SNRPA1: variants seen among roughly 807,000 people sequenced by gnomAD.
SNRPA1 encodes small nuclear ribonucleoprotein polypeptide A'.
Under a neutral mutation model 32.3 loss-of-function variants are expected in SNRPA1, and 5 were observed. The ratio of observed to expected loss-of-function variants is 0.15; its 90% CI spans 0.08 to 0.33. The LOEUF is 0.33. Among genes scored for constraint, SNRPA1 ranks in the 10% least tolerant of loss-of-function variants. The probability of loss-of-function intolerance (pLI) is 1.00; values close to 1 mark genes in which losing one functional copy is unlikely to be tolerated. For missense variants in SNRPA1, 198 were observed against 311.1 expected (o/e 0.64, Z 2.74); for synonymous variants, 111 against 120.1 (o/e 0.92, Z 0.50).
In SNRPA1 at chr15:101,295,208, G is replaced by T; in HGVS notation, c.-30C>A. On this transcript the variant is annotated 5_prime_UTR_variant, in exon 1 of 9. Transcript: ENST00000254193. ...CAGCCTCCCGTTCCCCCGCGCTGTG[G>T]AAAGCCCGTGGCCTCCCGCCAGCGA... 6.6e-7 allele frequency: 1 copy of T among 1,506,798 alleles called. No homozygotes were observed. Among genetic ancestry groups the T allele is most frequent in the African/African-American group, 1.4e-5 (1 of 68,986 alleles). The allele number at this position is 1,506,798 out of a possible 1,614,324, so 93.3% of individuals were successfully genotyped here. A position where few individuals can be genotyped will look rare whatever the true frequency, so the allele number is the denominator to read the frequency against.
At chr15:101,287,790 C>CT (rs2039472733) in intron 3 of SNRPA1, 88 bp from the exon 4 acceptor site, 5 of 1,180,186 alleles carry the variant, frequency 4.2e-6, no homozygotes, top group Non-Finnish European at 6.2e-6. Flanking sequence ...AGCAAGTTGT[C>CT]TTTTCATTAT....
In SNRPA1 at chr15:101,290,573, G is replaced by A. The variant is rs944280687; in HGVS notation, c.309+1389C>T. ...GTTAAGTCACAAAATTAAGTTATACGATTTTTTTTTTTTTTTGAGATGAGG... is the reference window on the plus strand; with the variant it reads ...GTTAAGTCACAAAATTAAGTTATACAATTTTTTTTTTTTTTTGAGATGAGG... On this transcript the variant is annotated intron_variant, in intron 3 of 8. Coordinates refer to ENST00000254193, the MANE Select transcript of SNRPA1 (RefSeq NM_003090.4). 7.8e-5 allele frequency among the ~76,000 whole-genome samples: 11 copies of A among 141,686 alleles called. No individual in the cohort carries two copies. The South Asian group carries it at 8.4e-4, about 11-fold the overall frequency. 93.0% of individuals were successfully genotyped at this position (141,686 alleles called of 152,430 possible).
At chr15:101,288,835 A>AT (rs2039486634) in intron 3 of SNRPA1, among the ~76,000 whole-genome samples, 1 of 152,222 alleles carries the variant, frequency 6.6e-6, no homozygotes, top group Non-Finnish European at 1.5e-5. Context: ...GCATGTTCCA[A>AT]TAATGACTAC....
At chr15:101,282,303 GT>G (rs2039404441) in intron 8 of SNRPA1, among the ~76,000 whole-genome samples, 1 of 152,184 alleles carries the variant, frequency 6.6e-6, no homozygotes, top group African/African-American at 2.4e-5. Context: ...TCCTTCAATT[GT>G]TTGGGAAACA....
At chr15:101,286,652 G>A (rs2039458124) in intron 5 of SNRPA1, 2 of 485,956 alleles carry the variant, frequency 4.1e-6, no homozygotes, top group Non-Finnish European at 7.3e-6. Flanking sequence ...ACAATCCACT[G>A]TTAAGACTGC....
intron 3 of SNRPA1, among the ~76,000 whole-genome samples, chr15:101,291,521 T>G (rs1596472538): frequency 1.6e-5 from 1 of 61,842 alleles, no homozygotes. Context: ...ATAGTTTACT[T>G]TTTTTTTTTT....
At chr15:101,285,341 G>A (rs958155243) in intron 7 of SNRPA1, among the ~76,000 whole-genome samples, 14 of 152,190 alleles carry the variant, frequency 9.2e-5, no homozygotes, top group East Asian at 1.9e-4. Context: ...TTGCAATTAT[G>A]TTACTGAATA....
chr15:101,292,084 G>A (rs1443291681), intron 2 of SNRPA1, 44 bp from the exon 3 acceptor site: 2 of 1,344,086 alleles, frequency 1.5e-6, no homozygotes, highest in African/African-American at 1.4e-5. Flanking sequence ...AATTAAATAA[G>A]CTAACAATTT....
In SNRPA1 at chr15:101,292,931, T is replaced by A. The variant is rs2039543646; in HGVS notation, c.230+94A>T. On this transcript the variant is annotated intron_variant, in intron 2 of 8. Transcript: ENST00000254193. ...AAAAAGAAAAAGAAAAAGAAACATGTAGGTTTAACCAGTAGCACGTGCTAC... is the reference window on the plus strand; with the variant it reads ...AAAAAGAAAAAGAAAAAGAAACATGAAGGTTTAACCAGTAGCACGTGCTAC... 4 of 679,888 alleles carry A rather than the reference T, an allele frequency of 5.9e-6. No homozygotes were observed. In the South Asian group the frequency reaches 1.8e-4, roughly 31 times the overall value. The allele number at this position is 679,888 out of a possible 1,614,324, so 42.1% of individuals were successfully genotyped here. A position where few individuals can be genotyped will look rare whatever the true frequency, so the allele number is the denominator to read the frequency against.
In SNRPA1 at chr15:101,285,817, A is replaced by C; in HGVS notation, c.540-16T>G. 6.2e-7 allele frequency: 1 copy of C among 1,605,846 alleles called. No homozygotes were observed. Among genetic ancestry groups the C allele is most frequent in the Non-Finnish European group, 8.5e-7 (1 of 1,173,264 alleles). ...TGGATTAAAACTTAAGAGGGGGAAG[A>C]ACATAACTGTTAGACCTAGACCAAC... On this transcript the variant is annotated splice_polypyrimidine_tract_variant and intron_variant, in intron 6 of 8. Coordinates refer to ENST00000254193, the MANE Select transcript of SNRPA1 (RefSeq NM_003090.4).
intron 1 of SNRPA1, 78 bp from the exon 2 acceptor site, chr15:101,293,250 A>C: frequency 1.0e-6 from 1 of 974,750 alleles, no homozygotes; most frequent in Non-Finnish European, 1.5e-6. Context: ...GCTGTATTTC[A>C]TAGTATCTGA....
intron 3 of SNRPA1, among the ~76,000 whole-genome samples, chr15:101,291,146 G>T (rs1596472426): frequency 1.3e-5 from 2 of 152,240 alleles, no homozygotes; most frequent in African/African-American, 4.8e-5. Context: ...TTCCCAAAGT[G>T]CTTGGATTAC....
chr15:101,289,657 C>T (rs937730084), intron 3 of SNRPA1, among the ~76,000 whole-genome samples: 1 of 151,866 alleles, frequency 6.6e-6, no homozygotes, highest in East Asian at 1.9e-4. Context: ...CAGAGCTGGG[C>T]GCGGTGACTC....
intron 4 of SNRPA1, among the ~76,000 whole-genome samples, 187 bp downstream of exon 4, chr15:101,287,469 A>C (rs930550661): frequency 6.6e-6 from 1 of 152,176 alleles, no homozygotes; most frequent in African/African-American, 2.4e-5. Context: ...TTTGCTGAGA[A>C]TGATGGTTTC....
rs377241327 is a variant in SNRPA1 at position 101,285,718 on chromosome 15, A to G, written c.615+8T>C. On this transcript the variant is annotated splice_region_variant and intron_variant, in intron 7 of 8. Coordinates refer to ENST00000254193, the MANE Select transcript of SNRPA1 (RefSeq NM_003090.4). The stretch of plus-strand genomic sequence containing the variant: ...CATTCCAGTCCAAGAATCCTAACAC[A>G]TGATTACCTTGATTGCTTCTACATC... 1.9e-6 allele frequency: 3 copies of G among 1,604,362 alleles called. No individual in the cohort carries two copies. Among genetic ancestry groups the G allele is most frequent in the Non-Finnish European group, 2.6e-6 (3 of 1,171,164 alleles).
chr15:101,294,765 T>C (rs537704358), intron 1 of SNRPA1: 1 of 318,942 alleles, frequency 3.1e-6, no homozygotes, highest in Non-Finnish European at 5.7e-6. Context: ...GTTACAACCA[T>C]TAATGAGCCG....
chr15:101,293,359 G>A (rs933299084), intron 1 of SNRPA1, 187 bp from the exon 2 acceptor site: 21 of 461,262 alleles, frequency 4.6e-5, no homozygotes, highest in Middle Eastern at 5.3e-4. Context: ...AACGCTGAAC[G>A]AGTCTCAAGT....
At chr15:101,293,797 T>C (rs2039555018) in intron 1 of SNRPA1, among the ~76,000 whole-genome samples, 1 of 152,096 alleles carries the variant, frequency 6.6e-6, no homozygotes, top group East Asian at 1.9e-4. Context: ...AAAGAAATAT[T>C]CCGAAGAAGC....
chr15:101,294,262 G>C (rs2039561595), intron 1 of SNRPA1, among the ~76,000 whole-genome samples: 1 of 152,218 alleles, frequency 6.6e-6, no homozygotes, highest in South Asian at 2.1e-4. Flanking sequence ...AAAACAGTGG[G>C]ATTTCCCAAA....
Sources: allele counts gnomAD v4.1 joint callset (sites outside exome capture counted in the v4.1 genomes callset), GRCh38; gene constraint gnomAD v4.1.1; transcripts MANE v1.5; gene names NCBI Gene and HGNC (gene_info 2026-07-23, HGNC 2026-07-21).